The following FIG4 variants were observed in gnomAD, a reference collection of about 807,000 sequenced individuals.
FIG4 encodes the protein polyphosphoinositide phosphatase.
A neutral mutation model predicts 118.6 loss-of-function variants in FIG4; 112 were observed. The ratio of observed to expected loss-of-function variants is 0.94; its 90% CI spans 0.81 to 1.11. FIG4 has a LOEUF of 1.11. Among genes scored for constraint, FIG4 ranks in the 50% least tolerant of loss-of-function variants. FIG4 has a pLI of 0.00. For missense variants in FIG4, 969 were observed against 1,111.7 expected (o/e 0.87, Z 1.83); for synonymous variants, 369 against 381.2 (o/e 0.97, Z 0.37).
At chr6:109,815,812 A>G (rs1012336073) in intron 22 of FIG4, among the ~76,000 whole-genome samples, 1 of 151,904 alleles carries the variant, frequency 6.6e-6, no homozygotes, top group Non-Finnish European at 1.5e-5. Context: ...ACAAAAAAAA[A>G]CAATAAAAAC....
intron 5 of FIG4, among the ~76,000 whole-genome samples, chr6:109,734,924 G>T (rs1776115399): frequency 6.6e-6 from 1 of 152,102 alleles, no homozygotes; most frequent in South Asian, 2.1e-4. Flanking sequence ...ACATTGTATT[G>T]TATATTTCCA....
At chr6:109,765,254 T>C in intron 14 of FIG4, 93 bp downstream of exon 14, 1 of 1,001,080 alleles carries the variant, frequency 1.0e-6, no homozygotes, top group South Asian at 1.4e-5. Context: ...TTTCTACTTT[T>C]AGCTTCTCAA....
chr6:109,821,308 A>C (rs1285225262), intron 22 of FIG4, among the ~76,000 whole-genome samples: 1 of 152,214 alleles, frequency 6.6e-6, no homozygotes, highest in Non-Finnish European at 1.5e-5. Context: ...CTGTGAAGTT[A>C]AGTAAATCTT....
In FIG4 at chr6:109,801,534, C is replaced by T. The variant is rs149529445; in HGVS notation, c.2546+4683C>T. On this transcript the variant is annotated intron_variant, in intron 22 of 22. Coordinates refer to ENST00000230124, the MANE Select transcript of FIG4 (RefSeq NM_014845.6). ...CTGCACTCCAGCCTGGGCTACAGAG[C>T]GAGAATCCATCTCAAAAAAATAATA... 3.8e-3 allele frequency among the ~76,000 whole-genome samples: 571 copies of T among 152,170 alleles called. 6 individuals are homozygous for T. The highest frequency in any genetic ancestry group is 0.013 in the African/African-American group (548 of 41,514).
At chr6:109,739,850 G>C (rs1043602222) in intron 7 of FIG4, among the ~76,000 whole-genome samples, 2 of 152,156 alleles carry the variant, frequency 1.3e-5, no homozygotes, top group South Asian at 2.1e-4. Flanking sequence ...GAGCATTTGA[G>C]AGGAGTGGTG....
At chr6:109,785,670 G>C (rs545579302) in intron 17 of FIG4, 74 of 470,864 alleles carry the variant, frequency 1.6e-4, no homozygotes, top group Middle Eastern at 9.7e-4. Context: ...ATTTGGTAAA[G>C]GGTTCCTAGC....
intron 3 of FIG4, among the ~76,000 whole-genome samples, chr6:109,718,738 T>C (rs1310983205): frequency 6.6e-6 from 1 of 152,170 alleles, no homozygotes; most frequent in East Asian, 1.9e-4. Flanking sequence ...TCTGTATGTG[T>C]CACGTGAGTT....
chr6:109,784,753 C>G (rs1319113875), intron 16 of FIG4, among the ~76,000 whole-genome samples: 1 of 152,176 alleles, frequency 6.6e-6, no homozygotes, highest in Admixed American at 6.5e-5. Flanking sequence ...TTTTGTAGAT[C>G]TGCAACATAG....
chr6:109,722,715 T>C (rs989079211), intron 3 of FIG4, among the ~76,000 whole-genome samples: 6 of 145,524 alleles, frequency 4.1e-5, no homozygotes, highest in African/African-American at 1.5e-4. Context: ...TAGCTTGCCC[T>C]GTGAGTGAGT....
intron 22 of FIG4, among the ~76,000 whole-genome samples, chr6:109,800,268 C>G (rs1778394651): frequency 6.6e-6 from 1 of 152,092 alleles, no homozygotes; most frequent in Non-Finnish European, 1.5e-5. Flanking sequence ...ATTAACAGAC[C>G]TCATTTTGGG....
chr6:109,761,425 G>T (rs917057715), intron 11 of FIG4, among the ~76,000 whole-genome samples: 1 of 152,010 alleles, frequency 6.6e-6, no homozygotes, highest in Non-Finnish European at 1.5e-5. Context: ...TCACTCTGTT[G>T]CCCAGGCTGG....
chr6:109,764,071 A>G (rs1383927320), intron 13 of FIG4, 89 bp downstream of exon 13: 7 of 806,430 alleles, frequency 8.7e-6, no homozygotes, highest in Admixed American at 5.8e-5. Flanking sequence ...AAAGACCTGT[A>G]TCTTATTTAA....
chr6:109,797,010 TC>T (rs1778307699), intron 22 of FIG4, among the ~76,000 whole-genome samples, 159 bp downstream of exon 22: 1 of 152,204 alleles, frequency 6.6e-6, no homozygotes, highest in Non-Finnish European at 1.5e-5. Context: ...AAACTGGGTC[TC>T]TGAGGGATAG....
At chr6:109,787,574 T>C (rs376555542) in intron 18 of FIG4, among the ~76,000 whole-genome samples, 30 of 152,204 alleles carry the variant, frequency 2.0e-4, no homozygotes, top group African/African-American at 6.8e-4. Flanking sequence ...CTTTGACAGC[T>C]TCTTGGAAAC....
At chr6:109,759,948 G>A (rs532236393) in intron 10 of FIG4, among the ~76,000 whole-genome samples, 7 of 152,290 alleles carry the variant, frequency 4.6e-5, no homozygotes, top group African/African-American at 1.4e-4. Context: ...TCAGAGTCAG[G>A]TGTGGAGTGT....
Position 109,760,879 on chromosome 6 carries a change from C to T in FIG4, c.1271+496C>T, listed in dbSNP as rs148690642. Among the ~76,000 whole-genome samples the T allele has an allele frequency of 9.8e-3, 1,495 of 152,250 alleles. 17 individuals are homozygous for T. Among genetic ancestry groups the T allele is most frequent in the Non-Finnish European group, 0.016 (1,085 of 67,994 alleles). ...CTGCCACAAATGTGGCAGCCAAAGT[C>T]CCATCCTAAGCCTCCATTCCTCTTC... On this transcript the variant is annotated intron_variant, in intron 11 of 22. Transcript: ENST00000230124.
rs1352704307 is a variant in FIG4, at chr6:109,762,118, A to G, written c.1299A>G (p.Leu433=). Reference sequence around the variant, plus strand: ...AGCTGTGTAATGTTCTTGATCGACTAAATGTGATTGCAGAAAGTGTGGTGA... The same window carrying G: ...AGCTGTGTAATGTTCTTGATCGACTGAATGTGATTGCAGAAAGTGTGGTGA... ...KSKLCNVLDR[L]NVIAESVVKK... The change falls in exon 12 of 23, where the codon CTA becomes CTG. Residue 433 remains leucine (L), a synonymous_variant. Coordinates refer to ENST00000230124, the MANE Select transcript of FIG4 (RefSeq NM_014845.6). 1.9e-6 allele frequency: 3 copies of G among 1,612,758 alleles called. No homozygotes were observed. Among genetic ancestry groups the G allele is most frequent in the East Asian group, 2.2e-5 (1 of 44,852 alleles).
Position 109,786,388 on chromosome 6 carries a change from C to T in FIG4, c.2035C>T (p.Arg679Trp), listed in dbSNP as rs188910818. The T allele has an allele frequency of 4.5e-5, 72 of 1,613,888 alleles. No individual in the cohort carries two copies. In the Admixed American group the frequency reaches 8.0e-4, roughly 18 times the overall value. Residue 679 changes from arginine to tryptophan, a missense_variant, in exon 18 of 23, where the codon CGG (arginine) becomes TGG (tryptophan). Arg to Trp is a moderately radical substitution (Grantham distance 101). Transcript: ENST00000230124. ...EEIDIHNEFF[R>W]PYELSSFDDT... ...GATTGATATCCACAATGAGTTCTTT[C>T]GGCCATATGAGTTGAGCAGCTTTGA... is the stretch of plus-strand genomic sequence containing the variant.
intron 1 of FIG4, among the ~76,000 whole-genome samples, chr6:109,705,348 T>C (rs537249732): frequency 6.6e-6 from 1 of 152,302 alleles, no homozygotes; most frequent in East Asian, 1.9e-4. Flanking sequence ...CAGAGGGCAG[T>C]GCAGGCAGTG....
Sources: allele counts gnomAD v4.1 joint callset (sites outside exome capture counted in the v4.1 genomes callset), GRCh38; gene constraint gnomAD v4.1.1; transcripts MANE v1.5; gene names NCBI Gene and HGNC (gene_info 2026-07-23, HGNC 2026-07-21).